TMEM156: variants seen among roughly 807,000 people sequenced by gnomAD.
TMEM156 encodes transmembrane protein 156.
TMEM156 carries 28 observed loss-of-function variants against 30.5 expected under a neutral mutation model. That is an observed-to-expected ratio of 0.92 (90% CI 0.68 to 1.26). TMEM156 has a LOEUF of 1.26. TMEM156 is among the 50% of genes most tolerant of loss of function. The probability of loss-of-function intolerance (pLI) is 0.00; values close to 1 mark genes in which losing one functional copy is unlikely to be tolerated. For synonymous variants in TMEM156, 137 were observed against 119.9 expected, an observed-to-expected ratio of 1.14 and a Z score of -0.93; for missense variants, 351 against 340.6, an observed-to-expected ratio of 1.03 and a Z score of -0.24.
At chr4:39,024,535 T>C (rs1715077584) in intron 1 of TMEM156, among the ~76,000 whole-genome samples, 1 of 152,182 alleles carries the variant, frequency 6.6e-6, no homozygotes, top group Non-Finnish European at 1.5e-5. Context: ...GAAACATAGA[T>C]GGAGCTGGAG....
At chr4:38,974,110 T>C (rs1004821984) in intron 5 of TMEM156, among the ~76,000 whole-genome samples, 6 of 151,970 alleles carry the variant, frequency 3.9e-5, no homozygotes, top group Non-Finnish European at 7.4e-5. Context: ...ATTTTTAAAC[T>C]GTGCTACTGG....
chr4:38,995,584 G>A (rs113462701), intron 2 of TMEM156, among the ~76,000 whole-genome samples: 141 of 152,222 alleles, frequency 9.3e-4, no homozygotes, highest in African/African-American at 3.0e-3. Context: ...GCGTGGTGGC[G>A]CACGCCTATA....
At chr4:38,991,889 C>T (rs760142568) in intron 3 of TMEM156, among the ~76,000 whole-genome samples, 3 of 152,168 alleles carry the variant, frequency 2.0e-5, no homozygotes, top group Non-Finnish European at 4.4e-5. Flanking sequence ...AATTCATTCA[C>T]TCCTCAATCA....
intron 5 of TMEM156, among the ~76,000 whole-genome samples, chr4:38,975,767 A>T (rs1722822466): frequency 6.6e-6 from 1 of 152,082 alleles, no homozygotes; most frequent in African/African-American, 2.4e-5. Context: ...TACTCATTAT[A>T]ATCTCCTCTC....
At chr4:39,013,242 A>G (rs1440125078) in intron 1 of TMEM156, among the ~76,000 whole-genome samples, 1 of 150,964 alleles carries the variant, frequency 6.6e-6, no homozygotes, top group Non-Finnish European at 1.5e-5. Flanking sequence ...CAGAGGCTGC[A>G]GTGAGCAGAG....
chr4:38,978,820 T>C (rs1723029687), intron 5 of TMEM156, among the ~76,000 whole-genome samples: 1 of 152,108 alleles, frequency 6.6e-6, no homozygotes, highest in Non-Finnish European at 1.5e-5. Context: ...TCTCGCTCTG[T>C]CACCTAGGCC....
In TMEM156 at chr4:39,032,117, T is replaced by A. The variant is rs148880762; in HGVS notation, c.88+109A>T. On this transcript the variant is annotated intron_variant, in intron 1 of 6. Coordinates refer to ENST00000381938, the MANE Select transcript of TMEM156 (RefSeq NM_024943.3). ...TTTATTAGTTTTTCAGATCTAGAACTTCAGCCTATGCAGCATGTGTCCAAA... is the reference window on the plus strand; with the variant it reads ...TTTATTAGTTTTTCAGATCTAGAACATCAGCCTATGCAGCATGTGTCCAAA... The A allele has an allele frequency of 7.9e-4, 533 of 673,558 alleles. 2 individuals are homozygous for A. In the East Asian group the frequency reaches 0.012, roughly 15 times the overall value. The allele number at this position is 673,558 out of a possible 1,614,324, so 41.7% of individuals were successfully genotyped here. A position where few individuals can be genotyped will look rare whatever the true frequency, so the allele number is the denominator to read the frequency against.
At chr4:39,007,812 T>C (rs879380068) in intron 1 of TMEM156, among the ~76,000 whole-genome samples, 5 of 152,144 alleles carry the variant, frequency 3.3e-5, no homozygotes, top group Non-Finnish European at 5.9e-5. Context: ...TCAATAAGTT[T>C]TCTAAATTTT....
At chr4:38,980,478 A>G (rs915547971) in intron 5 of TMEM156, among the ~76,000 whole-genome samples, 14 of 152,250 alleles carry the variant, frequency 9.2e-5, no homozygotes, top group African/African-American at 3.4e-4. Flanking sequence ...TGACATGCCC[A>G]TATATATGCA....
chr4:39,019,020 T>TA (rs200726884), intron 1 of TMEM156, among the ~76,000 whole-genome samples: 62 of 74,080 alleles, frequency 8.4e-4, no homozygotes, highest in African/African-American at 4.4e-3. Flanking sequence ...GACTCCATCT[T>TA]AAAAAAACAA....
chr4:38,984,396 C>T (rs971866865), intron 5 of TMEM156, among the ~76,000 whole-genome samples: 3 of 148,658 alleles, frequency 2.0e-5, no homozygotes, highest in African/African-American at 7.5e-5. Flanking sequence ...GAACAATACT[C>T]ACTTTTAAAT....
Position 38,988,883 on chromosome 4 carries a change from A to G in TMEM156, c.707T>C (p.Leu236Pro), listed in dbSNP as rs1712206283. The G allele has an allele frequency of 6.2e-7, 1 of 1,614,082 alleles. No individual in the cohort carries two copies. The highest frequency in any genetic ancestry group is 8.5e-7 in the Non-Finnish European group (1 of 1,179,972). ...FLIILTIRKILEGQRRVQKWQ... is the reference protein window; with the variant it reads ...FLIILTIRKIPEGQRRVQKWQ... ...CTTTTGCACTCTTCTCTGGCCTTCA[A>G]GTATTTTGCGGATAGTGAGGATGAT... The change falls in exon 4 of 7, where the codon CTT becomes CCT. Residue 236 changes from leucine (L) to proline (P), a missense_variant. Leu to Pro is a moderately conservative substitution (Grantham distance 98, BLOSUM62 -3). Transcript: ENST00000381938.
At chr4:39,028,591 C>T (rs1361258084) in intron 1 of TMEM156, 1 of 152,110 alleles carries the variant, frequency 6.6e-6, no homozygotes, top group East Asian at 1.9e-4. Context: ...TTTGTAGCCC[C>T]AGGTTTCTAG....
chr4:39,013,773 A>T (rs1714291748), intron 1 of TMEM156, among the ~76,000 whole-genome samples: 2 of 152,204 alleles, frequency 1.3e-5, no homozygotes, highest in African/African-American at 4.8e-5. Flanking sequence ...AATGGTAAAA[A>T]TTAAGAGGAT....
chr4:39,013,307 CA>C (rs71192810), intron 1 of TMEM156, among the ~76,000 whole-genome samples: 52,474 of 102,370 alleles, frequency 0.51, 10,496 homozygotes, highest in African/African-American at 0.65. Flanking sequence ...GAACCTGTCT[CA>C]AAAAAAAAAA....
chr4:39,017,263 C>T (rs952156625), intron 1 of TMEM156, among the ~76,000 whole-genome samples: 6 of 150,732 alleles, frequency 4.0e-5, no homozygotes, highest in Admixed American at 6.6e-5. Context: ...CAAGCTCCGC[C>T]TCCCAGGTTC....
chr4:39,016,684 A>G (rs1342295416), intron 1 of TMEM156, among the ~76,000 whole-genome samples: 2 of 152,186 alleles, frequency 1.3e-5, no homozygotes, highest in African/African-American at 4.8e-5. Context: ...ATTTCCAAAT[A>G]TATTACCTAT....
rs577428340 is a variant in TMEM156 at position 38,996,361 on chromosome 4, C to T, written c.358+2279G>A. On this transcript the variant is annotated intron_variant, in intron 2 of 6. Transcript: ENST00000381938. Reference sequence around the variant, plus strand: ...ATCACATGAGGTCAGGAGTTTGAGACCAGCCTGGCCAACACATGGTGAAAC... The same window carrying T: ...ATCACATGAGGTCAGGAGTTTGAGATCAGCCTGGCCAACACATGGTGAAAC... Among the ~76,000 whole-genome samples the T allele has an allele frequency of 1.7e-3, 252 of 150,124 alleles. 2 individuals carry two copies. The highest frequency in any genetic ancestry group is 6.0e-3 in the African/African-American group (245 of 40,800).
chr4:39,010,731 T>C (rs916021078), intron 1 of TMEM156, among the ~76,000 whole-genome samples: 2 of 152,162 alleles, frequency 1.3e-5, no homozygotes, highest in African/African-American at 4.8e-5. Flanking sequence ...AGAATGAAAC[T>C]GGACCCCTTT....
Sources: gnomAD v4.1 joint callset for allele counts (sites outside exome capture counted in the v4.1 genomes callset) on GRCh38, gnomAD v4.1.1 for gene constraint, MANE v1.5 for transcripts, NCBI Gene and HGNC (gene_info 2026-07-23, HGNC 2026-07-21) for gene names.